ROR2: variants seen among roughly 807,000 people sequenced by gnomAD.
The protein encoded by ROR2 is tyrosine-protein kinase transmembrane receptor ROR2.
Under a neutral mutation model 74.9 loss-of-function variants are expected in ROR2, and 33 were observed. The observed-to-expected ratio is 0.44, with a 90% CI of 0.33 to 0.59. The LOEUF (loss-of-function observed/expected upper bound fraction) is 0.59. Ranked by LOEUF, ROR2 falls within the 20% of genes least tolerant of loss-of-function variation. The probability of loss-of-function intolerance (pLI) is 0.02; values close to 1 mark genes in which losing one functional copy is unlikely to be tolerated. For synonymous variants in ROR2, 586 were observed against 558.7 expected, an observed-to-expected ratio of 1.05 and a Z score of -0.69; for missense variants, 1,216 against 1,313.8, an observed-to-expected ratio of 0.93 and a Z score of 1.15.
chr9:91,773,386 A>T (rs1317308000), intron 2 of ROR2, among the ~76,000 whole-genome samples: 5 of 151,988 alleles, frequency 3.3e-5, no homozygotes, highest in Non-Finnish European at 1.5e-5. Context: ...ATTTTTTCAC[A>T]GAGTAAATCA....
chr9:91,948,642 G>C (rs1832075770), intron 1 of ROR2: 2 of 985,386 alleles, frequency 2.0e-6, no homozygotes, highest in South Asian at 9.4e-5. Flanking sequence ...AGGATACCTG[G>C]AGCGCGCAGC....
At chr9:91,857,046 C>T (rs1208552666) in intron 1 of ROR2, among the ~76,000 whole-genome samples, 1 of 152,250 alleles carries the variant, frequency 6.6e-6, no homozygotes, top group East Asian at 1.9e-4. Flanking sequence ...TCACTCCCAT[C>T]CCCTAAAACA....
rs145719277 is a variant in ROR2, at chr9:91,828,267, T to C, written c.98-52449A>G. ...TTTGATGGTACAGTGGTGTGGCTTATCTATTTTGCTTTTGCAATGGAATGT... is the reference window on the plus strand; with the variant it reads ...TTTGATGGTACAGTGGTGTGGCTTACCTATTTTGCTTTTGCAATGGAATGT... On this transcript the variant is annotated intron_variant, in intron 1 of 8. Transcript: ENST00000375708. Among the ~76,000 whole-genome samples the C allele has an allele frequency of 3.8e-3, 574 of 152,392 alleles. 3 individuals carry two copies. Among genetic ancestry groups the C allele is most frequent in the Non-Finnish European group, 5.9e-3 (402 of 68,042 alleles).
intron 1 of ROR2, among the ~76,000 whole-genome samples, chr9:91,877,161 A>G (rs1242550789): frequency 6.6e-6 from 1 of 152,242 alleles, no homozygotes; most frequent in Non-Finnish European, 1.5e-5. Context: ...AATGATACCC[A>G]AACTATCAAG....
At chr9:91,790,223 C>T (rs891579278) in intron 1 of ROR2, among the ~76,000 whole-genome samples, 5 of 151,886 alleles carry the variant, frequency 3.3e-5, no homozygotes, top group African/African-American at 1.2e-4. Flanking sequence ...CAGCACAGGC[C>T]GGGCACAGTG....
chr9:91,861,557 C>T (rs946299156), intron 1 of ROR2, among the ~76,000 whole-genome samples: 3 of 152,166 alleles, frequency 2.0e-5, no homozygotes, highest in African/African-American at 7.2e-5. Context: ...CATCTGCACA[C>T]AAAGGAATGA....
chr9:91,786,060 C>A (rs1489864191), intron 1 of ROR2, among the ~76,000 whole-genome samples: 2 of 151,572 alleles, frequency 1.3e-5, no homozygotes, highest in Non-Finnish European at 2.9e-5. Context: ...ATAGCTGGCA[C>A]CCGTGGCTCA....
chr9:91,761,675 G>A (rs764699287), intron 2 of ROR2, among the ~76,000 whole-genome samples: 7 of 152,154 alleles, frequency 4.6e-5, no homozygotes, highest in South Asian at 2.1e-4. Flanking sequence ...AACAGGCCAC[G>A]CACCAGTACC....
chr9:91,808,659 G>A (rs901879080), intron 1 of ROR2, among the ~76,000 whole-genome samples: 20 of 150,652 alleles, frequency 1.3e-4, no homozygotes, highest in Admixed American at 1.3e-3. Context: ...TTGTAAGTAA[G>A]GTAAAATGTG....
intron 1 of ROR2, among the ~76,000 whole-genome samples, chr9:91,924,725 G>A (rs535839589): frequency 1.3e-3 from 198 of 152,152 alleles, no homozygotes; most frequent in African/African-American, 4.5e-3. Flanking sequence ...CCCAGGAGGC[G>A]GAGCTTGCAG....
At chr9:91,845,570 G>T (rs571915426) in intron 1 of ROR2, among the ~76,000 whole-genome samples, 8 of 152,146 alleles carry the variant, frequency 5.3e-5, no homozygotes, top group South Asian at 2.1e-4. Context: ...CTTTGCTGGG[G>T]TATAATCTAC....
chr9:91,745,669 G>A (rs779783282), intron 4 of ROR2, among the ~76,000 whole-genome samples: 4 of 151,060 alleles, frequency 2.6e-5, no homozygotes. Context: ...CAGGTGATCC[G>A]CCCACCTCGG....
chr9:91,770,790 T>C (rs982097469), intron 2 of ROR2, among the ~76,000 whole-genome samples: 1 of 152,194 alleles, frequency 6.6e-6, no homozygotes, highest in Non-Finnish European at 1.5e-5. Context: ...TTGTACCCTT[T>C]TAGCCTTGGA....
intron 1 of ROR2, among the ~76,000 whole-genome samples, chr9:91,833,769 T>TC (rs1358336207): frequency 6.6e-6 from 1 of 151,684 alleles, no homozygotes; most frequent in Non-Finnish European, 1.5e-5. Context: ...TGCTGGAGCA[T>TC]CCCCTCTGCC....
intron 1 of ROR2, among the ~76,000 whole-genome samples, chr9:91,835,448 A>G (rs1316428692): frequency 2.0e-5 from 3 of 152,294 alleles, no homozygotes; most frequent in East Asian, 3.9e-4. Context: ...GGAAAAGCAG[A>G]AGGAGCAAAA....
intron 1 of ROR2, among the ~76,000 whole-genome samples, chr9:91,866,601 G>C (rs564840953): frequency 6.6e-6 from 1 of 151,978 alleles, no homozygotes; most frequent in Non-Finnish European, 1.5e-5. Context: ...CCAGCTGCAT[G>C]TTTTAAAGCG....
chr9:91,731,622 G>C (rs989948147), intron 6 of ROR2, among the ~76,000 whole-genome samples: 1 of 152,222 alleles, frequency 6.6e-6, no homozygotes, highest in Non-Finnish European at 1.5e-5. Context: ...CATTTCTGTA[G>C]TGTTTACCAT....
chr9:91,941,876 C>T (rs1459528341), intron 1 of ROR2, among the ~76,000 whole-genome samples: 1 of 152,000 alleles, frequency 6.6e-6, no homozygotes, highest in Admixed American at 6.6e-5. Context: ...CTGCAGCCTC[C>T]ACCTCCCGGG....
chr9:91,909,068 A>G (rs1403029175), intron 1 of ROR2, among the ~76,000 whole-genome samples: 1 of 152,234 alleles, frequency 6.6e-6, no homozygotes, highest in Non-Finnish European at 1.5e-5. Flanking sequence ...CTAACGCAAC[A>G]TGCTGCTTTG....
Sources: allele counts gnomAD v4.1 joint callset (sites outside exome capture counted in the v4.1 genomes callset), GRCh38; gene constraint gnomAD v4.1.1; transcripts MANE v1.5; gene names NCBI Gene and HGNC (gene_info 2026-07-23, HGNC 2026-07-21).